Variants in ROCK2 observed in about 807,000 individuals in gnomAD.
ROCK2 encodes rho-associated protein kinase 2.
ROCK2 carries 61 observed loss-of-function variants against 195.1 expected under a neutral mutation model. The observed-to-expected ratio is 0.31, with a 90% CI of 0.25 to 0.39. ROCK2 has a LOEUF of 0.39. Ranked by LOEUF, ROCK2 falls within the 10% of genes least tolerant of loss-of-function variation. ROCK2 has a pLI of 1.00. For missense variants in ROCK2, 1,109 were observed against 1,637.4 expected (o/e 0.68, Z 5.57); for synonymous variants, 504 against 545.5 (o/e 0.92, Z 1.06).
chr2:11,227,519 C>G (rs1000290908), intron 5 of ROCK2, 121 bp from the exon 6 acceptor site: 1 of 828,286 alleles, frequency 1.2e-6, no homozygotes, highest in African/African-American at 1.7e-5. Context: ...AACAGAACTT[C>G]ACTGCTGACA....
intron 16 of ROCK2, 135 bp downstream of exon 16, chr2:11,214,705 G>GAA: frequency 1.2e-6 from 1 of 859,058 alleles, no homozygotes; most frequent in African/African-American, 1.7e-5. Context: ...TTTTGTATCA[G>GAA]TGTATTTCTA....
At chr2:11,303,056 G>A (rs151185858) in intron 1 of ROCK2, among the ~76,000 whole-genome samples, 1 of 152,138 alleles carries the variant, frequency 6.6e-6, no homozygotes, top group Non-Finnish European at 1.5e-5. Context: ...TACCAAGGCT[G>A]AGTGCTAAGC....
At chr2:11,343,945 G>T (rs751722055) in intron 1 of ROCK2, 51 bp downstream of exon 1, 2 of 1,565,680 alleles carry the variant, frequency 1.3e-6, no homozygotes, top group Admixed American at 1.8e-5. Context: ...GCGGAGAGGG[G>T]ATCTGAGGTG....
At chr2:11,206,457 GA>G (rs899117929) in intron 20 of ROCK2, among the ~76,000 whole-genome samples, 18 of 151,646 alleles carry the variant, frequency 1.2e-4, no homozygotes, top group African/African-American at 3.4e-4. Context: ...CTAATATACA[GA>G]AAAAAAACCC....
At chr2:11,186,417 TGCG>T (rs1245683960) in intron 32 of ROCK2, among the ~76,000 whole-genome samples, 1 of 152,250 alleles carries the variant, frequency 6.6e-6, no homozygotes, top group Non-Finnish European at 1.5e-5. Flanking sequence ...AATCGCTAGA[TGCG>T]ACTGTAGTGT....
Position 11,193,790 on chromosome 2 carries a change from T to G in ROCK2, c.3676A>C (p.Arg1226=). 6.3e-7 allele frequency: 1 copy of G among 1,585,828 alleles called. No individual in the cohort carries two copies. The highest frequency in any genetic ancestry group is 1.1e-5 in the South Asian group (1 of 87,452). Residue 1226 remains arginine (R), a synonymous_variant, in exon 30 of 33, where the codon AGG becomes CGG. Transcript: ENST00000315872. ...VYRADAKEIP[R]IFQILYANEG... is the part of the protein sequence containing the mutation. The stretch of plus-strand genomic sequence containing the variant: ...AAAACTATGTTTACCTGGAATATCC[T>G]TGGAATTTCTTTAGCATCTGCTCTA...
At chr2:11,200,746 AG>A (rs1663822115) in intron 23 of ROCK2, among the ~76,000 whole-genome samples, 1 of 152,180 alleles carries the variant, frequency 6.6e-6, no homozygotes, top group Non-Finnish European at 1.5e-5. Flanking sequence ...CTTTCACTTT[AG>A]ACCTTTAACT....
chr2:11,275,143 G>A (rs1666779547), intron 3 of ROCK2, among the ~76,000 whole-genome samples: 1 of 151,878 alleles, frequency 6.6e-6, no homozygotes, highest in Non-Finnish European at 1.5e-5. Context: ...TGTAATCCCA[G>A]CTATTCGGGA....
At chr2:11,213,532 G>T (rs1664319366) in intron 17 of ROCK2, among the ~76,000 whole-genome samples, 1 of 111,404 alleles carries the variant, frequency 9.0e-6, no homozygotes, top group Non-Finnish European at 2.1e-5. Flanking sequence ...CAGCAGGGCT[G>T]AACAGTTGCA....
Position 11,287,406 on chromosome 2 carries a change from C to A in ROCK2, c.223+249G>T, listed in dbSNP as rs114326427. The stretch of plus-strand genomic sequence containing the variant: ...CTTCAAACTGCTATAAATAACCTGT[C>A]CTAAAATAGTCTTAATAATGTATTT... On this transcript the variant is annotated intron_variant, in intron 2 of 32. Transcript: ENST00000315872. 3.3e-3 allele frequency among the ~76,000 whole-genome samples: 501 copies of A among 152,146 alleles called. 1 individual carries two copies. The highest frequency in any genetic ancestry group is 0.031 in the Middle Eastern group (9 of 288).
intron 1 of ROCK2, among the ~76,000 whole-genome samples, chr2:11,289,376 A>C (rs1572366916): frequency 6.6e-6 from 1 of 152,170 alleles, no homozygotes; most frequent in Non-Finnish European, 1.5e-5. Context: ...TATTAGTATA[A>C]TTTTGATATT....
intron 3 of ROCK2, among the ~76,000 whole-genome samples, chr2:11,253,473 C>T (rs1665909834): frequency 6.6e-6 from 1 of 152,236 alleles, no homozygotes; most frequent in African/African-American, 2.4e-5. Flanking sequence ...TCTGACCACC[C>T]TAACTGAACT....
chr2:11,336,728 G>T (rs1280258510), intron 1 of ROCK2, among the ~76,000 whole-genome samples: 1 of 152,106 alleles, frequency 6.6e-6, no homozygotes, highest in Non-Finnish European at 1.5e-5. Context: ...AATGGTGCAG[G>T]ATAGTCTGGA....
chr2:11,203,956 A>G (rs1663956423), intron 20 of ROCK2, among the ~76,000 whole-genome samples: 1 of 152,142 alleles, frequency 6.6e-6, no homozygotes, highest in South Asian at 2.1e-4. Flanking sequence ...TTTATAACCT[A>G]ATATTTATTA....
chr2:11,240,148 G>A (rs759585107), intron 4 of ROCK2, among the ~76,000 whole-genome samples: 1 of 152,202 alleles, frequency 6.6e-6, no homozygotes, highest in South Asian at 2.1e-4. Flanking sequence ...CTGGCCGAAT[G>A]ATTAAACTCA....
intron 6 of ROCK2, among the ~76,000 whole-genome samples, chr2:11,226,687 G>GTT (rs904068371): frequency 6.6e-6 from 1 of 152,008 alleles, no homozygotes; most frequent in African/African-American, 2.4e-5. Context: ...TGAGGTGGGA[G>GTT]TAACACTTGA....
At chr2:11,208,525 TTAAA>T in intron 18 of ROCK2, 78 bp from the exon 19 acceptor site, 1 of 682,224 alleles carries the variant, frequency 1.5e-6, no homozygotes, top group Middle Eastern at 4.5e-4. Context: ...TAAAAGCACA[TTAAA>T]TGACACCATA....
intron 4 of ROCK2, among the ~76,000 whole-genome samples, chr2:11,243,455 T>A (rs557479213): frequency 6.6e-6 from 1 of 152,294 alleles, no homozygotes; most frequent in Admixed American, 6.5e-5. Context: ...CTCCAAGTGA[T>A]AAATATGGTA....
chr2:11,326,316 G>A (rs1572411619), intron 1 of ROCK2, among the ~76,000 whole-genome samples: 1 of 152,206 alleles, frequency 6.6e-6, no homozygotes, highest in Non-Finnish European at 1.5e-5. Flanking sequence ...GAGGCTTTGC[G>A]TACTGTCATA....
Sources: allele counts gnomAD v4.1 joint callset (sites outside exome capture counted in the v4.1 genomes callset), GRCh38; gene constraint gnomAD v4.1.1; transcripts MANE v1.5; gene names NCBI Gene and HGNC (gene_info 2026-07-23, HGNC 2026-07-21).